PIK3C3: variants seen among roughly 807,000 people sequenced by gnomAD.
The protein encoded by PIK3C3 is PI3-kinase type 3.
A neutral mutation model predicts 126.1 loss-of-function variants in PIK3C3; 95 were observed. That is an observed-to-expected ratio of 0.75 (90% confidence interval 0.64 to 0.89). The LOEUF is 0.89. Among genes scored for constraint, PIK3C3 ranks in the 40% least tolerant of loss-of-function variants. The probability of loss-of-function intolerance (pLI) is 0.00; values close to 1 mark genes in which losing one functional copy is unlikely to be tolerated. For synonymous variants in PIK3C3, 374 were observed against 360.0 expected (o/e 1.04, Z -0.44); for missense variants, 829 against 1,063.2 (o/e 0.78, Z 3.06).
At chr18:41,989,262 G>A (rs1981652547) in intron 5 of PIK3C3, among the ~76,000 whole-genome samples, 3 of 151,806 alleles carry the variant, frequency 2.0e-5, no homozygotes, top group Non-Finnish European at 4.4e-5. Flanking sequence ...GTAGAGTCAG[G>A]GTCTGGCTAT....
chr18:41,974,702 A>G (rs963568730), intron 4 of PIK3C3, among the ~76,000 whole-genome samples: 3 of 152,168 alleles, frequency 2.0e-5, no homozygotes, highest in Admixed American at 2.0e-4. Flanking sequence ...TCCATGACCC[A>G]GGCTTTTGGT....
At chr18:42,032,526 T>C (rs1215146980) in intron 15 of PIK3C3, among the ~76,000 whole-genome samples, 1 of 152,110 alleles carries the variant, frequency 6.6e-6, no homozygotes, top group Non-Finnish European at 1.5e-5. Flanking sequence ...GTAATCAAGA[T>C]GAGAAATCAT....
chr18:42,052,404 C>G (rs1364997765), intron 21 of PIK3C3, among the ~76,000 whole-genome samples: 1 of 152,088 alleles, frequency 6.6e-6, no homozygotes, highest in Non-Finnish European at 1.5e-5. Context: ...CATTTTTTTC[C>G]TATTAAAACA....
chr18:42,017,144 CT>C (rs1235819342), intron 12 of PIK3C3, among the ~76,000 whole-genome samples: 3 of 152,032 alleles, frequency 2.0e-5, no homozygotes, highest in Non-Finnish European at 4.4e-5. Flanking sequence ...ATCCCTTCCC[CT>C]ATTCCCATAG....
At chr18:42,061,443 C>T (rs1312121572) in intron 22 of PIK3C3, among the ~76,000 whole-genome samples, 1 of 151,940 alleles carries the variant, frequency 6.6e-6, no homozygotes, top group Non-Finnish European at 1.5e-5. Context: ...ATTAGCCTGG[C>T]ATAGTGGCAC....
intron 10 of PIK3C3, among the ~76,000 whole-genome samples, chr18:42,012,183 T>TAAA (rs200019420): frequency 2.8e-5 from 4 of 142,218 alleles, no homozygotes; most frequent in Non-Finnish European, 4.6e-5. Context: ...CTTCATTCTG[T>TAAA]AAAAAAAAAA....
intron 24 of PIK3C3, 53 bp downstream of exon 24, chr18:42,067,566 A>G (rs2144520990): frequency 6.3e-7 from 1 of 1,596,648 alleles, no homozygotes; most frequent in Non-Finnish European, 8.6e-7. Flanking sequence ...GTACTGCCCC[A>G]GAGTCCTTGG....
At chr18:41,990,399 TG>T (rs1293524952) in intron 5 of PIK3C3, 59 bp from the exon 6 acceptor site, 1 of 946,592 alleles carries the variant, frequency 1.1e-6, no homozygotes, top group Non-Finnish European at 1.7e-6. Context: ...TGATACATAC[TG>T]ATCCTTTAAG....
chr18:41,976,993 A>G (rs1000787826), intron 4 of PIK3C3, among the ~76,000 whole-genome samples: 1 of 152,198 alleles, frequency 6.6e-6, no homozygotes, highest in South Asian at 2.1e-4. Context: ...ATTGAGAGGA[A>G]TGTGTTTGCA....
chr18:42,000,211 G>C (rs567155081), intron 9 of PIK3C3, among the ~76,000 whole-genome samples: 1 of 152,074 alleles, frequency 6.6e-6, no homozygotes, highest in African/African-American at 2.4e-5. Flanking sequence ...GCACCACCAC[G>C]CCGGCTAATT....
Position 42,084,576 on chromosome 18 carries a change from AAAAC to A in PIK3C3, c.*3444_*3447del, listed in dbSNP as rs1467225744. 2.2e-5 allele frequency: 3 copies of A among 134,500 alleles called. No homozygotes were observed. The highest frequency in any genetic ancestry group is 4.6e-5 in the Non-Finnish European group (3 of 64,940). 8.3% of individuals were successfully genotyped at this position (134,500 alleles called of 1,614,324 possible). ...ATCTGAATATAGTATAGAGTAGCTAAAAACAAACCAAAAAAAAAAAAAAAAAAAA... is the reference window on the plus strand; with the variant it reads ...ATCTGAATATAGTATAGAGTAGCTAAAAACCAAAAAAAAAAAAAAAAAAAA... On this transcript the variant is annotated 3_prime_UTR_variant, in exon 25 of 25. Coordinates refer to ENST00000262039, the MANE Select transcript of PIK3C3 (RefSeq NM_002647.4).
intron 4 of PIK3C3, among the ~76,000 whole-genome samples, chr18:41,976,331 A>G (rs1242599838): frequency 6.6e-6 from 1 of 151,642 alleles, no homozygotes; most frequent in African/African-American, 2.4e-5. Context: ...CATCTTCACC[A>G]TTGTCAAAGG....
Position 42,041,588 on chromosome 18 carries a change from T to TAA in PIK3C3, c.2103+861_2103+862dup, listed in dbSNP as rs57481011. On this transcript the variant is annotated intron_variant, in intron 19 of 24. Coordinates refer to ENST00000262039, the MANE Select transcript of PIK3C3 (RefSeq NM_002647.4). ...AATATAATTTTCCTGCTTCCCTTTGTAAAAAAAAAAAAAAAGGTATGTAAT... is the reference window on the plus strand; with the variant it reads ...AATATAATTTTCCTGCTTCCCTTTGTAAAAAAAAAAAAAAAAAGGTATGTAAT... 7.1e-3 allele frequency among the ~76,000 whole-genome samples: 948 copies of TAA among 133,574 alleles called. 13 individuals are homozygous for TAA. Among genetic ancestry groups the TAA allele is most frequent in the African/African-American group, 0.02 (736 of 37,480 alleles). 87.6% of individuals were successfully genotyped at this position (133,574 alleles called of 152,430 possible).
chr18:42,080,158 G>A (rs1741045842), intron 24 of PIK3C3, among the ~76,000 whole-genome samples: 1 of 152,236 alleles, frequency 6.6e-6, no homozygotes, highest in South Asian at 2.1e-4. Context: ...TGAGTGCCGA[G>A]TACCATTTCT....
At chr18:42,046,579 CA>C (rs1441669538) in intron 20 of PIK3C3, among the ~76,000 whole-genome samples, 4 of 152,026 alleles carry the variant, frequency 2.6e-5, no homozygotes, top group Non-Finnish European at 5.9e-5. Flanking sequence ...ATTGTTTTGA[CA>C]AGATTTTCTT....
chr18:42,058,182 C>T, intron 22 of PIK3C3, 131 bp downstream of exon 22: 1 of 642,344 alleles, frequency 1.6e-6, no homozygotes, highest in Non-Finnish European at 2.4e-6. Context: ...AACAATATTT[C>T]CTATCTTACA....
At chr18:42,000,014 A>G (rs1280426752) in intron 9 of PIK3C3, among the ~76,000 whole-genome samples, 1 of 152,182 alleles carries the variant, frequency 6.6e-6, no homozygotes, top group African/African-American at 2.4e-5. Context: ...ACAAGAAACG[A>G]CTAAAGCAGG....
chr18:42,055,887 C>T (rs1194766373), intron 21 of PIK3C3, among the ~76,000 whole-genome samples: 1 of 152,012 alleles, frequency 6.6e-6, no homozygotes, highest in Non-Finnish European at 1.5e-5. Context: ...ATGCCTCAAA[C>T]TACAATTTTA....
At chr18:41,996,831 A>C (rs1982048966) in intron 9 of PIK3C3, 101 bp downstream of exon 9, 4 of 672,208 alleles carry the variant, frequency 6.0e-6, no homozygotes, top group South Asian at 4.3e-5. Context: ...TTGTCACTTT[A>C]AAGAAAAGTT....
Sources: allele counts gnomAD v4.1 joint callset (sites outside exome capture counted in the v4.1 genomes callset), GRCh38; gene constraint gnomAD v4.1.1; transcripts MANE v1.5; gene names NCBI Gene and HGNC (gene_info 2026-07-23, HGNC 2026-07-21).